ZNF771: variants seen among roughly 807,000 people sequenced by gnomAD.
ZNF771 encodes zinc finger protein 771, also known as mesenchymal stem cell protein DSC43.
In ZNF771, 10 loss-of-function variants were observed where a neutral mutation model predicts 27.6. The ratio of observed to expected loss-of-function variants is 0.36; its 90% CI spans 0.22 to 0.61. The LOEUF (loss-of-function observed/expected upper bound fraction) is 0.61, where lower values mean the gene tolerates loss of function less well. ZNF771 is among the 20% of genes least tolerant of loss of function. ZNF771 has a pLI of 0.70. For synonymous variants in ZNF771, 261 were observed against 225.2 expected, an observed-to-expected ratio of 1.16 and a Z score of -1.43; for missense variants, 438 against 503.7, an observed-to-expected ratio of 0.87 and a Z score of 1.25.
At chr16:30,415,592 A>G (rs1334474796) in intron 2 of ZNF771, among the ~76,000 whole-genome samples, 1 of 151,960 alleles carries the variant, frequency 6.6e-6, no homozygotes. Context: ...CATCTTGGCT[A>G]GGCTGGGCTT....
chr16:30,418,108 G>T lies in ZNF771; in HGVS notation c.695G>T (p.Arg232Leu). The change falls in exon 3 of 3, where the codon CGC becomes CTC. Residue 232 changes from arginine to leucine, a missense_variant. Transcript: ENST00000319296. ...GTGCACACGGGCGAGAAGCCGCACC[G>T]CTGCGCTGTGTGTGGCCGTCGCTTC... ...RRVHTGEKPH[R>L]CAVCGRRFGH... 6.7e-7 allele frequency: 1 copy of T among 1,483,164 alleles called. No homozygotes were observed. Among genetic ancestry groups the T allele is most frequent in the South Asian group, 1.3e-5 (1 of 77,776 alleles). 91.9% of individuals were successfully genotyped at this position (1,483,164 alleles called of 1,614,324 possible).
Position 30,417,786 on chromosome 16 carries a change from G to A in ZNF771, c.373G>A (p.Asp125Asn), listed in dbSNP as rs1303805179. Residue 125 changes from aspartate to asparagine, a missense_variant, in exon 3 of 3, where the codon GAC becomes AAC. Physicochemically the swap from Asp to Asn is conservative, Grantham distance 23 (BLOSUM62 1). This residue lies in a region of ZNF771 where 49 missense variants were observed against 106.5 expected (regional missense o/e 0.46). Coordinates refer to ENST00000319296, the MANE Select transcript of ZNF771 (RefSeq NM_001142305.2). ...GCGGCCCTACGAGTGCCCCGAGTGC[G>A]ACAAACGCTTCTCGGCCGCCTCGAA... ...GERPYECPEC[D>N]KRFSAASNLR... is the part of the protein sequence containing the mutation. 3 of 1,475,278 alleles carry A rather than the reference G, an allele frequency of 2.0e-6. No homozygotes were observed. Among genetic ancestry groups the A allele is most frequent in the Admixed American group, 2.4e-5 (1 of 42,174 alleles). The allele number at this position is 1,475,278 out of a possible 1,614,324, so 91.4% of individuals were successfully genotyped here. A position where few individuals can be genotyped will look rare whatever the true frequency, so the allele number is the denominator to read the frequency against.
intron 2 of ZNF771, chr16:30,413,475 T>G (rs545773053): frequency 1.4e-4 from 35 of 255,376 alleles, no homozygotes; most frequent in South Asian, 1.3e-3. Context: ...TCTTGTTTTT[T>G]AAATATTCGT....
At chr16:30,410,465 G>A (rs965301763) in intron 2 of ZNF771, among the ~76,000 whole-genome samples, 1 of 152,124 alleles carries the variant, frequency 6.6e-6, no homozygotes, top group Admixed American at 6.6e-5. Flanking sequence ...GGAAGTGAAT[G>A]TGGGGGCACA....
chr16:30,417,865 A>C lies in ZNF771; in HGVS notation c.452A>C (p.His151Pro). The C allele has an allele frequency of 6.6e-7, 1 of 1,503,986 alleles. No homozygotes were observed. The highest frequency in any genetic ancestry group is 8.8e-7 in the Non-Finnish European group (1 of 1,135,466). 93.2% of individuals were successfully genotyped at this position (1,503,986 alleles called of 1,614,324 possible). Residue 151 changes from histidine (H) to proline (P), a missense_variant, in exon 3 of 3, where the codon CAC becomes CCC. Physicochemically the swap from His to Pro is moderately conservative, Grantham distance 77. Coordinates refer to ENST00000319296, the MANE Select transcript of ZNF771 (RefSeq NM_001142305.2). The part of the protein sequence containing the change: ...HTGEKPYACA[H>P]CGRRFAQSSN... ...GGCGAGAAGCCGTACGCATGCGCGC[A>C]CTGCGGCCGCCGCTTCGCGCAGAGC... is the stretch of plus-strand genomic sequence containing the variant.
At position 30,417,566 on chromosome 16, in the gene ZNF771, G is replaced by A. The variant is rs1407832755; in HGVS notation, c.153G>A (p.Glu51=). 1.6e-6 allele frequency: 2 copies of A among 1,222,334 alleles called. No homozygotes were observed. The highest frequency in any genetic ancestry group is 2.0e-6 in the Non-Finnish European group (2 of 983,518). 75.7% of individuals were successfully genotyped at this position (1,222,334 alleles called of 1,614,324 possible). The change falls in exon 3 of 3, where the codon GAG becomes GAA. Residue 51 remains glutamate, a synonymous_variant. Coordinates refer to ENST00000319296, the MANE Select transcript of ZNF771 (RefSeq NM_001142305.2). ...CCCTCTCCCCGCAGGTCCCGGGCGA[G>A]GCGCCCGCGCCGTCCGCCGACCCGG... The part of the protein sequence containing the change: ...IPMDNKEVPG[E]APAPSADPAR...
intron 2 of ZNF771, 59 bp downstream of exon 2, chr16:30,408,253 C>A: frequency 1.9e-6 from 3 of 1,610,274 alleles, no homozygotes; most frequent in Non-Finnish European, 2.5e-6. Context: ...GGCCCAGCCT[C>A]CCTCAGATAG....
At chr16:30,415,845 G>A (rs1008628964) in intron 2 of ZNF771, among the ~76,000 whole-genome samples, 7 of 152,170 alleles carry the variant, frequency 4.6e-5, no homozygotes, top group African/African-American at 1.7e-4. Flanking sequence ...GTAGATACGC[G>A]ACATCAGTTT....
intron 2 of ZNF771, among the ~76,000 whole-genome samples, chr16:30,415,040 C>G (rs546988342): frequency 1.4e-5 from 2 of 144,388 alleles, no homozygotes; most frequent in South Asian, 4.7e-4. Context: ...TCACTGCAAC[C>G]TCTGCCTCCC....
intron 1 of ZNF771, 157 bp from the exon 2 acceptor site, chr16:30,407,888 G>A: frequency 1.7e-6 from 1 of 575,762 alleles, no homozygotes; most frequent in Non-Finnish European, 3.1e-6. Context: ...AGAGCGTGGG[G>A]CCGGGCTGGG....
intron 1 of ZNF771, 116 bp from the exon 2 acceptor site, chr16:30,407,929 A>C: frequency 1.6e-6 from 1 of 608,372 alleles, no homozygotes; most frequent in Non-Finnish European, 2.7e-6. Flanking sequence ...TTCGGAGACC[A>C]GGGCAGGGCG....
chr16:30,408,011 G>GGGCCT, intron 1 of ZNF771, 34 bp from the exon 2 acceptor site: 2 of 1,375,394 alleles, frequency 1.5e-6, no homozygotes, highest in Non-Finnish European at 1.9e-6. Flanking sequence ...GGGGGGGGCG[G>GGGCCT]GTCCTGAGCT....
At chr16:30,415,411 G>C (rs573563891) in intron 2 of ZNF771, among the ~76,000 whole-genome samples, 45 of 141,968 alleles carry the variant, frequency 3.2e-4, no homozygotes, top group Middle Eastern at 3.7e-3. Context: ...TTTTGAGACG[G>C]AGTCTTGCCG....
intron 2 of ZNF771, among the ~76,000 whole-genome samples, chr16:30,414,960 T>TC (rs1307561563): frequency 1.6e-5 from 2 of 126,580 alleles, no homozygotes; most frequent in African/African-American, 6.3e-5. Flanking sequence ...TTTTTTTTTT[T>TC]TTTTTTTTTT....
intron 2 of ZNF771, among the ~76,000 whole-genome samples, chr16:30,412,127 C>A (rs998941026): frequency 6.6e-6 from 1 of 152,198 alleles, no homozygotes; most frequent in Admixed American, 6.5e-5. Context: ...ATCCCATCCC[C>A]CCTTGTGGTC....
intron 2 of ZNF771, among the ~76,000 whole-genome samples, chr16:30,415,104 T>C (rs888415902): frequency 6.6e-6 from 1 of 151,460 alleles, no homozygotes; most frequent in African/African-American, 2.4e-5. Flanking sequence ...ATTACAGGCA[T>C]GAGCCACCAC....
intron 2 of ZNF771, among the ~76,000 whole-genome samples, chr16:30,410,688 G>A (rs1421017882): frequency 2.0e-5 from 3 of 151,714 alleles, no homozygotes; most frequent in Non-Finnish European, 4.4e-5. Context: ...AGGGCAGGAC[G>A]TACTGTGTTA....
Position 30,418,101 on chromosome 16 carries a change from C to A in ZNF771, c.688C>A (p.Pro230Thr), listed in dbSNP as rs1490665753. 3 of 1,481,606 alleles carry A rather than the reference C, an allele frequency of 2.0e-6. No individual in the cohort carries two copies. The highest frequency in any genetic ancestry group is 4.7e-5 in the Admixed American group (2 of 42,282). The allele number at this position is 1,481,606 out of a possible 1,614,324, so 91.8% of individuals were successfully genotyped here. A position where few individuals can be genotyped will look rare whatever the true frequency, so the allele number is the denominator to read the frequency against. ...CCGGCGCGTGCACACGGGCGAGAAG[C>A]CGCACCGCTGCGCTGTGTGTGGCCG... Reference protein sequence around the residue: ...KHRRVHTGEKPHRCAVCGRRF... With the variant: ...KHRRVHTGEKTHRCAVCGRRF... Residue 230 changes from proline to threonine, a missense_variant, in exon 3 of 3, where the codon CCG (proline) becomes ACG (threonine). Coordinates refer to ENST00000319296, the MANE Select transcript of ZNF771 (RefSeq NM_001142305.2).
chr16:30,417,510 C>T, intron 2 of ZNF771, 45 bp from the exon 3 acceptor site: 1 of 1,189,908 alleles, frequency 8.4e-7, no homozygotes, highest in Non-Finnish European at 1.0e-6. Context: ...GTCTCTGGCT[C>T]CGGGGCCTGC....
Sources: gnomAD v4.1 joint callset for allele counts (sites outside exome capture counted in the v4.1 genomes callset) on GRCh38, gnomAD v4.1.1 for gene constraint, gnomAD v4.1.1 regional missense constraint, MANE v1.5 for transcripts, NCBI Gene and HGNC (gene_info 2026-07-23, HGNC 2026-07-21) for gene names.